MAEL: variants seen among roughly 807,000 people sequenced by gnomAD.
MAEL encodes the protein maelstrom spermatogenic transposon silencer.
MAEL carries 46 observed loss-of-function variants against 62.0 expected under a neutral mutation model. The observed-to-expected ratio is 0.74, with a 90% CI of 0.59 to 0.95. The LOEUF (loss-of-function observed/expected upper bound fraction) is 0.95. MAEL is among the 40% of genes least tolerant of loss of function. MAEL has a pLI of 0.00. For missense variants in MAEL, 497 were observed against 526.8 expected (o/e 0.94, Z 0.55); for synonymous variants, 172 against 175.5 (o/e 0.98, Z 0.16).
At chr1:166,993,828 TAGCTTAG>T (rs1381473775) in intron 4 of MAEL, among the ~76,000 whole-genome samples, 193 bp from the exon 5 acceptor site, 1 of 152,224 alleles carries the variant, frequency 6.6e-6, no homozygotes, top group Non-Finnish European at 1.5e-5. Flanking sequence ...CTTTTAAAAG[TAGCTTAG>T]ACAATATACC....
chr1:167,004,613 C>CCGTA (rs528114049), intron 6 of MAEL, among the ~76,000 whole-genome samples: 79 of 152,268 alleles, frequency 5.2e-4, no homozygotes, highest in Non-Finnish European at 9.9e-4. Flanking sequence ...CCATTCTATT[C>CCGTA]CGTACACCTA....
At chr1:167,008,441 T>A (rs1357302583) in intron 8 of MAEL, among the ~76,000 whole-genome samples, 1 of 152,096 alleles carries the variant, frequency 6.6e-6, no homozygotes, top group African/African-American at 2.4e-5. Context: ...TCTCTTAAAA[T>A]TTTTTTAAAT....
intron 1 of MAEL, among the ~76,000 whole-genome samples, chr1:166,982,597 T>C (rs1278636914): frequency 6.6e-6 from 1 of 152,134 alleles, no homozygotes; most frequent in Non-Finnish European, 1.5e-5. Flanking sequence ...CCAAGAACAC[T>C]TGTGGTGCTC....
At chr1:166,993,768 G>A (rs1664292113) in intron 4 of MAEL, among the ~76,000 whole-genome samples, 3 of 152,154 alleles carry the variant, frequency 2.0e-5, no homozygotes, top group Non-Finnish European at 4.4e-5. Context: ...AGACTCTTTT[G>A]ACACATGCTT....
chr1:167,004,103 TG>T (rs1206377805), intron 5 of MAEL, 76 bp from the exon 6 acceptor site: 1 of 1,297,802 alleles, frequency 7.7e-7, no homozygotes, highest in Non-Finnish European at 1.1e-6. Flanking sequence ...ACTCTCTTCT[TG>T]TACCCCCACT....
intron 8 of MAEL, among the ~76,000 whole-genome samples, chr1:167,014,772 C>T (rs1018141959): frequency 6.6e-6 from 1 of 152,118 alleles, no homozygotes; most frequent in African/African-American, 2.4e-5. Flanking sequence ...CCTGTAATCC[C>T]AGCACTATGG....
At chr1:167,004,395 CTG>C in intron 6 of MAEL, 91 bp downstream of exon 6, 1 of 1,233,170 alleles carries the variant, frequency 8.1e-7, no homozygotes, top group East Asian at 2.5e-5. Flanking sequence ...GTATTTTTGT[CTG>C]TATATTGTGT....
At chr1:167,016,360 C>A in intron 9 of MAEL, 76 bp downstream of exon 9, 1 of 1,377,162 alleles carries the variant, frequency 7.3e-7, no homozygotes, top group Non-Finnish European at 1.0e-6. Flanking sequence ...CTTGCTATAG[C>A]TTTGGCAATC....
chr1:166,991,615 G>C, intron 3 of MAEL, 138 bp downstream of exon 3: 1 of 558,020 alleles, frequency 1.8e-6, no homozygotes, highest in Admixed American at 3.0e-5. Flanking sequence ...TTGTGGTACT[G>C]ACATTATAAA....
Position 167,018,523 on chromosome 1 carries a change from A to G in MAEL, c.1041+564A>G, listed in dbSNP as rs1055056763. The stretch of plus-strand genomic sequence containing the variant: ...AACTGTCTGTACTAATTTTTTATGT[A>G]TTAAACAAGAACAATAATAGGGGCT... On this transcript the variant is annotated intron_variant, in intron 10 of 11. Transcript: ENST00000367872. Among the ~76,000 whole-genome samples, 6 of 152,294 alleles carry G rather than the reference A, an allele frequency of 3.9e-5. No individual in the cohort carries two copies. In the East Asian group the frequency reaches 7.7e-4, roughly 20 times the overall value.
At chr1:166,987,781 C>T (rs556983712), upstream of MAEL, among the ~76,000 whole-genome samples, 1 of 152,190 alleles carries the variant, frequency 6.6e-6, no homozygotes, top group African/African-American at 2.4e-5. Context: ...ACGCACCCTC[C>T]AAAGATGTAA....
At chr1:167,010,382 G>T (rs563095722) in intron 8 of MAEL, among the ~76,000 whole-genome samples, 38 of 152,066 alleles carry the variant, frequency 2.5e-4, no homozygotes, top group African/African-American at 8.9e-4. Context: ...ATGTTTTTTT[G>T]GGGGGTGGGG....
intron 10 of MAEL, 100 bp from the exon 11 acceptor site, chr1:167,020,985 G>A (rs969505537): frequency 1.1e-6 from 1 of 877,718 alleles, no homozygotes; most frequent in Non-Finnish European, 1.9e-6. Context: ...TTGAGTGTTA[G>A]TTTGCATTTT....
At chr1:167,018,050 T>C (rs1296660903) in intron 10 of MAEL, 91 bp downstream of exon 10, 2 of 1,305,702 alleles carry the variant, frequency 1.5e-6, no homozygotes, top group Admixed American at 4.3e-5. Context: ...CAGCCTTTGT[T>C]TGGTTCTTTC....
intron 11 of MAEL, 73 bp downstream of exon 11, chr1:167,021,233 A>G: frequency 9.6e-7 from 1 of 1,038,846 alleles, no homozygotes; most frequent in South Asian, 1.4e-5. Flanking sequence ...CAGGTGTGGT[A>G]TTTAAACAGT....
chr1:166,993,216 T>C (rs1448227534), intron 4 of MAEL, among the ~76,000 whole-genome samples: 1 of 152,180 alleles, frequency 6.6e-6, no homozygotes, highest in Non-Finnish European at 1.5e-5. Flanking sequence ...TGCTATTGCT[T>C]TGTAGCCTTG....
At chr1:166,992,076 A>G (rs1047266611) in intron 3 of MAEL, among the ~76,000 whole-genome samples, 3 of 152,202 alleles carry the variant, frequency 2.0e-5, no homozygotes, top group African/African-American at 7.2e-5. Context: ...CTTGCCAAGA[A>G]GAGAACATAG....
At chr1:167,017,714 C>T in intron 9 of MAEL, 113 bp from the exon 10 acceptor site, 36 of 893,296 alleles carry the variant, frequency 4.0e-5, no homozygotes, top group South Asian at 2.5e-4. Context: ...TTATTTTTTC[C>T]CAGTTTATAA....
At chr1:167,004,400 T>C (rs1188614413) in intron 6 of MAEL, 96 bp downstream of exon 6, 1 of 1,161,936 alleles carries the variant, frequency 8.6e-7, no homozygotes, top group Non-Finnish European at 1.2e-6. Context: ...TTTGTCTGTA[T>C]ATTGTGTGTC....
Sources: gnomAD v4.1 joint callset for allele counts (sites outside exome capture counted in the v4.1 genomes callset) on GRCh38, gnomAD v4.1.1 for gene constraint, MANE v1.5 for transcripts, NCBI Gene and HGNC (gene_info 2026-07-23, HGNC 2026-07-21) for gene names.